The following SLC5A11 variants were observed in gnomAD, a reference collection of about 807,000 sequenced individuals.
The protein encoded by SLC5A11 is solute carrier family 5 member 11, also known as sodium/myo-inositol cotransporter 2.
In SLC5A11, 48 loss-of-function variants were observed where a neutral mutation model predicts 69.8. The observed-to-expected ratio is 0.69, with a 90% CI of 0.55 to 0.87. The LOEUF is 0.87. Among genes scored for constraint, SLC5A11 ranks in the 40% least tolerant of loss-of-function variants. The pLI, the probability that SLC5A11 is intolerant of heterozygous loss-of-function variation, is 0.00. For missense variants in SLC5A11, 784 were observed against 866.1 expected (o/e 0.91, Z 1.19); for synonymous variants, 319 against 342.4 (o/e 0.93, Z 0.75).
exon 15 of SLC5A11, chr16:24,910,366 C>G: frequency 6.2e-7 from 1 of 1,614,106 alleles, no homozygotes. Flanking sequence ...ACAAGCACCA[C>G]CAGCAGCTCC....
In SLC5A11 at chr16:24,870,358, G is replaced by A. The variant is rs557992287; in HGVS notation, c.312+353G>A. 5.9e-5 allele frequency among the ~76,000 whole-genome samples: 9 copies of A among 151,396 alleles called. No homozygotes were observed. The South Asian group carries it at 1.5e-3, about 25-fold the overall frequency. On this transcript the variant is annotated intron_variant, in intron 4 of 15. Coordinates refer to ENST00000347898, the Ensembl canonical transcript of SLC5A11. ...CAGTGAGCAGAGATTGCACTACTGC[G>A]CGCCAGCCTGGGTGACAAGAGTGAA...
At chr16:24,910,208 A>G in intron 14 of SLC5A11, 98 bp from the exon 16 acceptor site, 1 of 1,276,784 alleles carries the variant, frequency 7.8e-7, no homozygotes, top group Non-Finnish European at 1.1e-6. Flanking sequence ...TTCAGACACA[A>G]AGGCTGAGTG....
chr16:24,905,605 G>A (rs1227579906), intron 10 of SLC5A11, among the ~76,000 whole-genome samples: 3 of 151,256 alleles, frequency 2.0e-5, no homozygotes, highest in South Asian at 2.1e-4. Context: ...CTGGGCGACA[G>A]AGCAAGACCC....
At chr16:24,857,509 T>G (rs2059586905) in intron 1 of SLC5A11, among the ~76,000 whole-genome samples, 2 of 152,256 alleles carry the variant, frequency 1.3e-5, no homozygotes, top group African/African-American at 2.4e-5. Context: ...TCAGCAGGAC[T>G]GAATTCCTTC....
chr16:24,879,720 G>A (rs1244889685), intron 7 of SLC5A11, among the ~76,000 whole-genome samples: 1 of 152,176 alleles, frequency 6.6e-6, no homozygotes, highest in African/African-American at 2.4e-5. Context: ...ACTCCAGCCT[G>A]GGCAACAGAG....
At chr16:24,880,998 G>A (rs1567631215) in intron 7 of SLC5A11, among the ~76,000 whole-genome samples, 1 of 152,116 alleles carries the variant, frequency 6.6e-6, no homozygotes, top group Non-Finnish European at 1.5e-5. Context: ...GAGGTCTGGA[G>A]TTCGAGACCA....
intron 10 of SLC5A11, among the ~76,000 whole-genome samples, chr16:24,904,175 G>A (rs1392610335): frequency 1.3e-5 from 2 of 152,136 alleles, no homozygotes; most frequent in African/African-American, 4.8e-5. Flanking sequence ...CGACATGGGG[G>A]GATTACAGTT....
intron 7 of SLC5A11, among the ~76,000 whole-genome samples, chr16:24,881,234 G>A (rs2048026275): frequency 6.6e-6 from 1 of 151,736 alleles, no homozygotes; most frequent in South Asian, 2.1e-4. Flanking sequence ...TCTGACTGGT[G>A]TGAGATGATA....
chr16:24,851,894 G>A (rs1024665665), intron 1 of SLC5A11, among the ~76,000 whole-genome samples: 5 of 151,990 alleles, frequency 3.3e-5, no homozygotes, highest in African/African-American at 1.2e-4. Context: ...CTATTTCCTG[G>A]AGAGTCTGTT....
intron 7 of SLC5A11, among the ~76,000 whole-genome samples, chr16:24,883,265 T>C (rs1473979735): frequency 6.6e-6 from 1 of 152,062 alleles, no homozygotes; most frequent in Non-Finnish European, 1.5e-5. Flanking sequence ...CTTGGGGGAC[T>C]GAGACAGGAC....
intron 10 of SLC5A11, among the ~76,000 whole-genome samples, chr16:24,905,640 G>GCGCGCGCGCGCACACA (rs1443035551): frequency 7.3e-6 from 1 of 136,696 alleles, no homozygotes; most frequent in Non-Finnish European, 1.6e-5. Context: ...GCGCGCGCGC[G>GCGCGCGCGCGCACACA]CACACACACA....
chr16:24,856,598 A>G (rs1211362275), intron 1 of SLC5A11, among the ~76,000 whole-genome samples: 1 of 10,986 alleles, frequency 9.1e-5, no homozygotes, highest in Non-Finnish European at 1.6e-4. Flanking sequence ...CTAAAAATAC[A>G]AAAAAAAAAA....
At chr16:24,887,342 C>T (rs11640822) in intron 8 of SLC5A11, among the ~76,000 whole-genome samples, 59,270 of 151,902 alleles carry the variant, frequency 0.39, 12,844 homozygotes, top group Non-Finnish European at 0.5. Flanking sequence ...TCAAGGCAAA[C>T]GTTACATAAA....
chr16:24,911,577 C>T (rs757586971), exon 16 of SLC5A11: 1 of 1,572,160 alleles, frequency 6.4e-7, no homozygotes, highest in Admixed American at 1.8e-5. Flanking sequence ...CTCTTCAGTG[C>T]TCCATTTTTT....
At chr16:24,897,617 G>A (rs768259375) in intron 9 of SLC5A11, among the ~76,000 whole-genome samples, 2 of 152,164 alleles carry the variant, frequency 1.3e-5, no homozygotes, top group African/African-American at 2.4e-5. Context: ...CTGAGACTGA[G>A]TAATTTATAA....
At chr16:24,860,532 G>A (rs933323964) in intron 2 of SLC5A11, among the ~76,000 whole-genome samples, 1 of 77,916 alleles carries the variant, frequency 1.3e-5, no homozygotes, top group African/African-American at 8.7e-5. Flanking sequence ...CAGCAGAAAT[G>A]CGTATATTAA....
At chr16:24,868,577 A>T (rs1167572168) in intron 3 of SLC5A11, among the ~76,000 whole-genome samples, 1 of 142,592 alleles carries the variant, frequency 7.0e-6, no homozygotes, top group African/African-American at 2.6e-5. Context: ...CCAGCCTGGG[A>T]GACAGCAAGA....
At chr16:24,880,038 G>T (rs2047937107) in intron 7 of SLC5A11, among the ~76,000 whole-genome samples, 1 of 152,180 alleles carries the variant, frequency 6.6e-6, no homozygotes, top group Admixed American at 6.5e-5. Context: ...TACATACCCA[G>T]TAGTGGGATT....
chr16:24,865,406 A>T (rs1195172186), intron 3 of SLC5A11, among the ~76,000 whole-genome samples: 1 of 152,110 alleles, frequency 6.6e-6, no homozygotes, highest in Non-Finnish European at 1.5e-5. Flanking sequence ...ACTTACAAAA[A>T]ATTAGCTGGG....
Sources: gnomAD v4.1 joint callset for allele counts (sites outside exome capture counted in the v4.1 genomes callset) on GRCh38, gnomAD v4.1.1 for gene constraint, MANE v1.5 for transcripts, NCBI Gene and HGNC (gene_info 2026-07-23, HGNC 2026-07-21) for gene names.